INTU: variants seen among roughly 807,000 people sequenced by gnomAD.
INTU encodes the protein inturned planar cell polarity protein, also known as protein inturned.
In INTU, 68 loss-of-function variants were observed where a neutral mutation model predicts 100.5. The observed-to-expected ratio is 0.68, with a 90% CI of 0.56 to 0.83. The LOEUF (loss-of-function observed/expected upper bound fraction) is 0.83. Among genes scored for constraint, INTU ranks in the 40% least tolerant of loss-of-function variants. The pLI, the probability that INTU is intolerant of heterozygous loss-of-function variation, is 0.00. For synonymous variants in INTU, 357 were observed against 395.7 expected (o/e 0.90, Z 1.16); for missense variants, 1,071 against 1,114.7 (o/e 0.96, Z 0.56).
At chr4:127,696,603 T>G (rs866835202) in intron 8 of INTU, among the ~76,000 whole-genome samples, 1 of 152,026 alleles carries the variant, frequency 6.6e-6, no homozygotes, top group Non-Finnish European at 1.5e-5. Context: ...GCTTATACGT[T>G]TTATTGATTT....
At chr4:127,663,204 C>T (rs1186482457) in intron 3 of INTU, among the ~76,000 whole-genome samples, 177 bp from the exon 4 acceptor site, 1 of 151,950 alleles carries the variant, frequency 6.6e-6, no homozygotes, top group Non-Finnish European at 1.5e-5. Context: ...CTCCTAGGAG[C>T]CGAAGATACA....
Position 127,711,022 on chromosome 4 carries a change from A to G in INTU, c.2479A>G (p.Ile827Val). The G allele has an allele frequency of 1.2e-6, 2 of 1,609,906 alleles. No homozygotes were observed. The highest frequency in any genetic ancestry group is 1.7e-6 in the Non-Finnish European group (2 of 1,177,206). ...AGAGGTGGCACAGCTAAGTGGCTCT[A>G]TCCACCCTCAGCTAATAAAGAATTT... ...LEEVAQLSGS[I>V]HPQLIKNFHQ... is the part of the protein sequence containing the mutation. The change falls in exon 14 of 16, where the codon ATC (isoleucine) becomes GTC (valine). Residue 827 changes from isoleucine (I) to valine (V), a missense_variant. By Grantham distance (29) the Ile-to-Val change is conservative. Transcript: ENST00000335251.
Position 127,719,672 on chromosome 4 carries a change from T to C in INTU, c.*3236T>C, listed in dbSNP as rs1386972260. On this transcript the variant is annotated 3_prime_UTR_variant, in exon 16 of 16. Transcript: ENST00000335251. ...CCTCAATTTCAGAACTTGTTATTGG[T>C]CTATTCAGTGATTCAACTTCTTCCT... 1 of 152,190 alleles carries C rather than the reference T, an allele frequency of 6.6e-6. No homozygotes were observed. The highest frequency in any genetic ancestry group is 1.5e-5 in the Non-Finnish European group (1 of 68,030). The allele number at this position is 152,190 out of a possible 1,614,324, so 9.4% of individuals were successfully genotyped here.
At chr4:127,677,290 C>T (rs1729258509) in intron 6 of INTU, among the ~76,000 whole-genome samples, 1 of 152,104 alleles carries the variant, frequency 6.6e-6, no homozygotes, top group Non-Finnish European at 1.5e-5. Context: ...AATGGGCAGA[C>T]TGCCTCCTCA....
In INTU at chr4:127,649,145, C is replaced by G. The variant is rs1727717846; in HGVS notation, c.682+5089C>G. ...CATTTTCATCTGTTTGCCAACCCTA[C>G]AGATGGCCAAGTGATGCCTAATAAT... On this transcript the variant is annotated intron_variant, in intron 2 of 15. Transcript: ENST00000335251. 2.6e-5 allele frequency among the ~76,000 whole-genome samples: 4 copies of G among 152,176 alleles called. No individual in the cohort carries two copies. In the South Asian group the frequency reaches 8.3e-4, roughly 32 times the overall value.
At chr4:127,642,963 T>G (rs1488122030) in intron 1 of INTU, among the ~76,000 whole-genome samples, 2 of 152,144 alleles carry the variant, frequency 1.3e-5, no homozygotes, top group Non-Finnish European at 2.9e-5. Context: ...CAGGACAGAT[T>G]TTAGTTCATG....
intron 2 of INTU, among the ~76,000 whole-genome samples, chr4:127,652,768 A>G (rs551898935): frequency 0.016 from 2,117 of 132,802 alleles, 41 homozygotes; most frequent in African/African-American, 0.059. Context: ...CTCTTTTTCT[A>G]TTGATTGGAA....
chr4:127,655,545 G>A (rs1728152649), intron 2 of INTU, among the ~76,000 whole-genome samples: 1 of 151,598 alleles, frequency 6.6e-6, no homozygotes, highest in Non-Finnish European at 1.5e-5. Context: ...GGGGGTCAGG[G>A]GTCAGGGACC....
chr4:127,646,334 T>C (rs1255891482), intron 2 of INTU, among the ~76,000 whole-genome samples: 1 of 152,212 alleles, frequency 6.6e-6, no homozygotes, highest in Non-Finnish European at 1.5e-5. Flanking sequence ...TGGTTTGTTC[T>C]TTTAGTTCTG....
chr4:127,699,964 A>T, intron 8 of INTU, 46 bp from the exon 9 acceptor site: 1 of 1,451,272 alleles, frequency 6.9e-7, no homozygotes, highest in South Asian at 1.4e-5. Flanking sequence ...AAAGTAACTA[A>T]TATGAGTCAA....
At chr4:127,709,090 C>T (rs1157882614) in intron 13 of INTU, among the ~76,000 whole-genome samples, 1 of 152,206 alleles carries the variant, frequency 6.6e-6, no homozygotes, top group Non-Finnish European at 1.5e-5. Flanking sequence ...AGCCTTGTCA[C>T]TCCCCTAGCC....
chr4:127,638,142 G>A (rs1727157017), intron 1 of INTU, among the ~76,000 whole-genome samples: 1 of 152,158 alleles, frequency 6.6e-6, no homozygotes, highest in Non-Finnish European at 1.5e-5. Context: ...AGAAAACACA[G>A]AAAAGCATAG....
intron 7 of INTU, chr4:127,685,512 A>G (rs910655977): frequency 1.3e-5 from 6 of 454,312 alleles, no homozygotes; most frequent in Non-Finnish European, 2.7e-5. Context: ...CTCTAGAGGA[A>G]CTGCTGAGGA....
intron 2 of INTU, among the ~76,000 whole-genome samples, chr4:127,645,438 C>T (rs1205667232): frequency 6.6e-6 from 1 of 152,178 alleles, no homozygotes; most frequent in African/African-American, 2.4e-5. Flanking sequence ...GCCCCAACCA[C>T]CATCTGCCTG....
intron 2 of INTU, among the ~76,000 whole-genome samples, chr4:127,649,695 T>C (rs1487512954): frequency 6.6e-6 from 1 of 152,194 alleles, no homozygotes; most frequent in East Asian, 1.9e-4. Flanking sequence ...TATACATGTT[T>C]ATTATCCATC....
intron 13 of INTU, 27 bp downstream of exon 13, chr4:127,708,695 C>T (rs1198671981): frequency 6.5e-6 from 8 of 1,228,828 alleles, no homozygotes; most frequent in African/African-American, 1.5e-5. Flanking sequence ...TTCTTGTTCA[C>T]TTAAACTCAG....
At chr4:127,645,043 A>AT (rs1292678352) in intron 2 of INTU, among the ~76,000 whole-genome samples, 1 of 152,220 alleles carries the variant, frequency 6.6e-6, no homozygotes, top group East Asian at 1.9e-4. Flanking sequence ...TCACTGTCTG[A>AT]TAAGTGTCAT....
In INTU at chr4:127,656,530, C is replaced by G. The variant is rs575997011; in HGVS notation, c.683-106C>G. The G allele has an allele frequency of 1.4e-4, 104 of 737,862 alleles. No homozygotes were observed. In the East Asian group the frequency reaches 2.7e-3, roughly 19 times the overall value. 45.7% of individuals were successfully genotyped at this position (737,862 alleles called of 1,614,324 possible). Reference sequence around the variant, plus strand: ...TCCTGCTTGTCTGCACCAGATTTCTCACTGTACTTTGAGGATGTCAGAGTA... The same window carrying G: ...TCCTGCTTGTCTGCACCAGATTTCTGACTGTACTTTGAGGATGTCAGAGTA... On this transcript the variant is annotated intron_variant, in intron 2 of 15. Transcript: ENST00000335251.
intron 5 of INTU, among the ~76,000 whole-genome samples, chr4:127,673,414 G>A (rs1360080943): frequency 6.6e-6 from 1 of 150,404 alleles, no homozygotes; most frequent in Non-Finnish European, 1.5e-5. Context: ...CAAACTCCTG[G>A]GCTCAAGTGA....
Sources: allele counts gnomAD v4.1 joint callset (sites outside exome capture counted in the v4.1 genomes callset), GRCh38; gene constraint gnomAD v4.1.1; transcripts MANE v1.5; gene names NCBI Gene and HGNC (gene_info 2026-07-23, HGNC 2026-07-21).